SLC35F3: variants seen among roughly 807,000 people sequenced by gnomAD.
SLC35F3 encodes the protein solute carrier family 35 member F3, also known as putative thiamine transporter SLC35F3.
In SLC35F3, 25 loss-of-function variants were observed where a neutral mutation model predicts 49.9. The ratio of observed to expected loss-of-function variants is 0.50; its 90% CI spans 0.37 to 0.70. SLC35F3 has a LOEUF of 0.70. Among genes scored for constraint, SLC35F3 ranks in the 30% least tolerant of loss-of-function variants. SLC35F3 has a pLI of 0.00. For synonymous variants in SLC35F3, 275 were observed against 265.4 expected, an observed-to-expected ratio of 1.04 and a Z score of -0.35; for missense variants, 525 against 639.8, an observed-to-expected ratio of 0.82 and a Z score of 1.94.
At chr1:234,121,595 G>A (rs536679979) in intron 2 of SLC35F3, among the ~76,000 whole-genome samples, 88 of 151,434 alleles carry the variant, frequency 5.8e-4, no homozygotes, top group African/African-American at 2.0e-3. Context: ...TTAAGTTCTA[G>A]GGTACATGTG....
At chr1:234,240,011 A>G (rs759924311) in intron 3 of SLC35F3, among the ~76,000 whole-genome samples, 16 of 152,190 alleles carry the variant, frequency 1.1e-4, no homozygotes, top group Non-Finnish European at 2.4e-4. Flanking sequence ...AAAAAGTTCT[A>G]AACTGTTCTT....
intron 2 of SLC35F3, among the ~76,000 whole-genome samples, chr1:233,937,827 G>A (rs1435168478): frequency 6.6e-6 from 1 of 152,200 alleles, no homozygotes; most frequent in African/African-American, 2.4e-5. Context: ...GGATAGTCAG[G>A]GGGCAAGGAT....
intron 2 of SLC35F3, among the ~76,000 whole-genome samples, chr1:234,194,481 A>G (rs1452172828): frequency 6.6e-6 from 1 of 152,148 alleles, no homozygotes; most frequent in East Asian, 1.9e-4. Context: ...AAAAGACTAC[A>G]AATTGGGTTC....
At chr1:234,227,031 G>A (rs539894787) in intron 2 of SLC35F3, among the ~76,000 whole-genome samples, 31 of 151,672 alleles carry the variant, frequency 2.0e-4, no homozygotes, top group African/African-American at 6.3e-4. Flanking sequence ...GGATGAACCC[G>A]CCTGTCCTCC....
At chr1:234,057,053 T>C (rs1230772329) in intron 2 of SLC35F3, among the ~76,000 whole-genome samples, 1 of 152,252 alleles carries the variant, frequency 6.6e-6, no homozygotes, top group Non-Finnish European at 1.5e-5. Context: ...AATGTATTGA[T>C]TGCTATTTTT....
intron 3 of SLC35F3, among the ~76,000 whole-genome samples, chr1:234,253,587 C>T (rs1287891154): frequency 6.6e-6 from 1 of 151,906 alleles, no homozygotes; most frequent in Non-Finnish European, 1.5e-5. Flanking sequence ...TGGTTAAATG[C>T]ATTATGTTGT....
chr1:233,961,578 A>G (rs4307614), intron 2 of SLC35F3, among the ~76,000 whole-genome samples: 31,710 of 148,998 alleles, frequency 0.21, 3,487 homozygotes, highest in East Asian at 0.38. Context: ...CACCTCAGCC[A>G]CCCAGGTAGC....
intron 2 of SLC35F3, among the ~76,000 whole-genome samples, chr1:234,128,536 T>C (rs962834214): frequency 6.6e-6 from 1 of 152,062 alleles, no homozygotes; most frequent in African/African-American, 2.4e-5. Context: ...TTAGGAGTGC[T>C]GAGAACTGGA....
At chr1:234,245,780 A>G (rs1371901126) in intron 3 of SLC35F3, among the ~76,000 whole-genome samples, 1 of 152,182 alleles carries the variant, frequency 6.6e-6, no homozygotes, top group Non-Finnish European at 1.5e-5. Context: ...GCCTCTTCTG[A>G]TGGCCTGGGC....
chr1:234,304,591 C>T (rs1657087099), intron 3 of SLC35F3, among the ~76,000 whole-genome samples: 1 of 152,154 alleles, frequency 6.6e-6, no homozygotes, highest in Admixed American at 6.5e-5. Flanking sequence ...CCTTCCTGTC[C>T]TTTAGTCCTT....
In SLC35F3 at chr1:234,014,481, A is replaced by G. The variant is rs576943394; in HGVS notation, c.283+108723A>G. Reference sequence around the variant, plus strand: ...AGTGGAAGTACTACTAGCCAGAGCAATTAGACAAAAGAAAAAAATAAAGGT... The same window carrying G: ...AGTGGAAGTACTACTAGCCAGAGCAGTTAGACAAAAGAAAAAAATAAAGGT... On this transcript the variant is annotated intron_variant, in intron 2 of 7. Transcript: ENST00000366618. Among the ~76,000 whole-genome samples the G allele has an allele frequency of 2.6e-5, 4 of 152,356 alleles. No individual in the cohort carries two copies. In the South Asian group the frequency reaches 6.2e-4, roughly 24 times the overall value.
chr1:233,943,137 G>C (rs1332709986), intron 2 of SLC35F3, among the ~76,000 whole-genome samples: 3 of 152,148 alleles, frequency 2.0e-5, no homozygotes, highest in Admixed American at 1.3e-4. Context: ...TCATTTCCAG[G>C]GTAATTCTGG....
intron 2 of SLC35F3, among the ~76,000 whole-genome samples, chr1:233,991,463 T>G (rs983030197): frequency 7.9e-5 from 12 of 151,384 alleles, no homozygotes; most frequent in East Asian, 1.9e-4. Flanking sequence ...AAAAGAAAAA[T>G]AAAGAAAAAA....
At chr1:234,268,463 G>A (rs1019419480) in intron 3 of SLC35F3, 5 of 151,470 alleles carry the variant, frequency 3.3e-5, no homozygotes, top group African/African-American at 9.8e-5. Flanking sequence ...CGTGGAGAGA[G>A]GGAGAGGGAG....
intron 2 of SLC35F3, among the ~76,000 whole-genome samples, chr1:234,127,028 A>G (rs1330030154): frequency 2.6e-5 from 4 of 152,208 alleles, no homozygotes; most frequent in Non-Finnish European, 5.9e-5. Flanking sequence ...GAAATGCTAT[A>G]TAAGTAAAAT....
At chr1:234,299,676 GC>G (rs1462119533) in intron 3 of SLC35F3, among the ~76,000 whole-genome samples, 1 of 151,776 alleles carries the variant, frequency 6.6e-6, no homozygotes, top group Non-Finnish European at 1.5e-5. Flanking sequence ...ATGGTGGCAG[GC>G]GCCTGTAGTC....
At chr1:234,304,030 C>CTTCT (rs1558104643) in intron 3 of SLC35F3, among the ~76,000 whole-genome samples, 1 of 123,502 alleles carries the variant, frequency 8.1e-6, no homozygotes, top group Non-Finnish European at 1.6e-5. Context: ...TCCTTCCTTC[C>CTTCT]TTCCTTCCTT....
At position 234,308,976 on chromosome 1, in the gene SLC35F3, ATAAT is replaced by A. The variant is rs1221239020; in HGVS notation, c.609-124_609-121del. On this transcript the variant is annotated intron_variant, in intron 3 of 7. Transcript: ENST00000366618. Reference sequence around the variant, plus strand: ...TTTAATAGAAAGATGTTTATTAAAAATAATAAATTTTAAAACCCTGCCCCTTCCT... The same window carrying A: ...TTTAATAGAAAGATGTTTATTAAAAAAAATTTTAAAACCCTGCCCCTTCCT... 8.3e-5 allele frequency: 56 copies of A among 675,866 alleles called. No individual in the cohort carries two copies. In the South Asian group the frequency reaches 9.9e-4, roughly 12 times the overall value. The allele number at this position is 675,866 out of a possible 1,614,324, so 41.9% of individuals were successfully genotyped here.
intron 2 of SLC35F3, among the ~76,000 whole-genome samples, chr1:234,039,072 G>C (rs554793063): frequency 1.0e-3 from 157 of 152,368 alleles, no homozygotes; most frequent in Middle Eastern, 3.4e-3. Context: ...CTAGAGTTAA[G>C]GGAAGAAGTT....
Sources: gnomAD v4.1 joint callset for allele counts (sites outside exome capture counted in the v4.1 genomes callset) on GRCh38, gnomAD v4.1.1 for gene constraint, MANE v1.5 for transcripts, NCBI Gene and HGNC (gene_info 2026-07-23, HGNC 2026-07-21) for gene names.